LDLRAD3: variants seen among roughly 807,000 people sequenced by gnomAD.
LDLRAD3 encodes low density lipoprotein receptor class A domain containing 3.
A neutral mutation model predicts 29.4 loss-of-function variants in LDLRAD3; 20 were observed. The ratio of observed to expected loss-of-function variants is 0.68; its 90% CI spans 0.48 to 0.99. The LOEUF (loss-of-function observed/expected upper bound fraction) is 0.99. Among genes scored for constraint, LDLRAD3 ranks in the 50% least tolerant of loss-of-function variants. The probability of loss-of-function intolerance (pLI) is 0.00; values close to 1 mark genes in which losing one functional copy is unlikely to be tolerated. For synonymous variants in LDLRAD3, 157 were observed against 192.7 expected (o/e 0.81, Z 1.53); for missense variants, 420 against 454.3 (o/e 0.92, Z 0.69).
intron 4 of LDLRAD3, among the ~76,000 whole-genome samples, chr11:36,154,110 G>A (rs1379868411): frequency 1.3e-5 from 2 of 152,056 alleles, no homozygotes; most frequent in African/African-American, 4.8e-5. Context: ...GACTTCCTCG[G>A]CCTCTGTTCT....
chr11:35,958,862 C>T (rs1266389689), intron 1 of LDLRAD3, among the ~76,000 whole-genome samples: 2 of 152,106 alleles, frequency 1.3e-5, no homozygotes, highest in African/African-American at 4.8e-5. Flanking sequence ...AGGTGACAAC[C>T]ACCCCAGACC....
intron 2 of LDLRAD3, among the ~76,000 whole-genome samples, chr11:36,047,837 C>T (rs934252121): frequency 2.0e-5 from 3 of 152,140 alleles, no homozygotes; most frequent in Admixed American, 1.3e-4. Flanking sequence ...GCAGCTGGCA[C>T]AGAGGAAGCA....
chr11:36,003,992 A>G (rs910856637), intron 1 of LDLRAD3, among the ~76,000 whole-genome samples: 5 of 152,184 alleles, frequency 3.3e-5, no homozygotes, highest in African/African-American at 4.8e-5. Flanking sequence ...AATCTGCCCC[A>G]TGATCCAGTC....
intron 2 of LDLRAD3, among the ~76,000 whole-genome samples, chr11:36,068,603 G>A (rs1353902862): frequency 6.6e-6 from 1 of 152,160 alleles, no homozygotes; most frequent in Admixed American, 6.5e-5. Context: ...TGCAATCACC[G>A]CCTCTTGGGT....
chr11:36,121,148 T>C (rs1320586987), intron 4 of LDLRAD3, among the ~76,000 whole-genome samples: 2 of 152,082 alleles, frequency 1.3e-5, no homozygotes. Context: ...GAATATGCAA[T>C]TGGATGAAAT....
At chr11:36,108,110 A>C (rs1359864955) in intron 4 of LDLRAD3, among the ~76,000 whole-genome samples, 10 of 151,850 alleles carry the variant, frequency 6.6e-5, no homozygotes. Context: ...GGAGATCAAG[A>C]TCGAGACCAT....
chr11:35,977,851 A>C (rs946685808), intron 1 of LDLRAD3, among the ~76,000 whole-genome samples: 2 of 152,160 alleles, frequency 1.3e-5, no homozygotes, highest in Non-Finnish European at 2.9e-5. Flanking sequence ...TTCATGACCT[A>C]ACCACCTCCT....
At chr11:36,001,885 T>A (rs962537749) in intron 1 of LDLRAD3, among the ~76,000 whole-genome samples, 1 of 152,142 alleles carries the variant, frequency 6.6e-6, no homozygotes, top group Non-Finnish European at 1.5e-5. Context: ...TCACTCAGAC[T>A]TTTTTACCCC....
chr11:36,075,913 C>A lies in LDLRAD3; in HGVS notation c.194-5740C>A, dbSNP rs574312354. Among the ~76,000 whole-genome samples the A allele has an allele frequency of 1.9e-4, 29 of 152,280 alleles. No individual in the cohort carries two copies. In the South Asian group the frequency reaches 5.0e-3, roughly 26 times the overall value. On this transcript the variant is annotated intron_variant, in intron 2 of 5. Transcript: ENST00000315571. Reference sequence around the variant, plus strand: ...GGAACTTCAGGTTAACTTCTGTGTCCTTTTGACATGCCCCCATGATATTTG... The same window carrying A: ...GGAACTTCAGGTTAACTTCTGTGTCATTTTGACATGCCCCCATGATATTTG...
intron 1 of LDLRAD3, among the ~76,000 whole-genome samples, chr11:36,021,930 G>A (rs563210350): frequency 1.9e-4 from 29 of 152,176 alleles, no homozygotes; most frequent in Admixed American, 6.5e-4. Context: ...GATTACAGGC[G>A]TGAGCCACTG....
intron 1 of LDLRAD3, among the ~76,000 whole-genome samples, chr11:36,022,942 C>T (rs1398447145): frequency 6.6e-6 from 1 of 152,192 alleles, no homozygotes; most frequent in African/African-American, 2.4e-5. Context: ...GCAGTAAACA[C>T]TGCTTAACTC....
intron 1 of LDLRAD3, among the ~76,000 whole-genome samples, chr11:36,019,152 G>A (rs1252994201): frequency 6.6e-6 from 1 of 152,116 alleles, no homozygotes; most frequent in Non-Finnish European, 1.5e-5. Context: ...TATCATTTGT[G>A]CAGCACGGGG....
At chr11:36,061,587 A>G (rs1852701120) in intron 2 of LDLRAD3, among the ~76,000 whole-genome samples, 1 of 152,072 alleles carries the variant, frequency 6.6e-6, no homozygotes, top group South Asian at 2.1e-4. Flanking sequence ...CATTACAAAA[A>G]CCCACAATAA....
At chr11:36,150,745 ACT>A (rs1332519362) in intron 4 of LDLRAD3, among the ~76,000 whole-genome samples, 1 of 151,684 alleles carries the variant, frequency 6.6e-6, no homozygotes, top group Admixed American at 6.6e-5. Flanking sequence ...ACAGAGCAAG[ACT>A]CTGTTTCAAA....
chr11:36,077,329 G>A (rs375196624), intron 2 of LDLRAD3, among the ~76,000 whole-genome samples: 11 of 152,196 alleles, frequency 7.2e-5, no homozygotes, highest in African/African-American at 2.7e-4. Context: ...GGGCAGCAAA[G>A]TACTGTTACG....
intron 1 of LDLRAD3, among the ~76,000 whole-genome samples, chr11:36,033,650 C>T (rs1852268316): frequency 6.6e-6 from 1 of 152,228 alleles, no homozygotes; most frequent in Non-Finnish European, 1.5e-5. Flanking sequence ...GAGCAGTTCT[C>T]TAACAACAGA....
At chr11:36,175,951 G>A (rs1021715466) in intron 4 of LDLRAD3, among the ~76,000 whole-genome samples, 1 of 152,062 alleles carries the variant, frequency 6.6e-6, no homozygotes, top group African/African-American at 2.4e-5. Flanking sequence ...TCATTTCTTA[G>A]GTCTAGAGGT....
chr11:36,141,382 G>A (rs1454346671), intron 4 of LDLRAD3, among the ~76,000 whole-genome samples: 1 of 152,136 alleles, frequency 6.6e-6, no homozygotes, highest in Admixed American at 6.6e-5. Flanking sequence ...TAAAAGTAAA[G>A]AGAAAGCAGG....
chr11:36,041,455 A>G (rs910353909), intron 2 of LDLRAD3, among the ~76,000 whole-genome samples: 1 of 152,234 alleles, frequency 6.6e-6, no homozygotes, highest in African/African-American at 2.4e-5. Flanking sequence ...CTGAAATGGA[A>G]TCTTACTGCT....
Sources: gnomAD v4.1 joint callset for allele counts (sites outside exome capture counted in the v4.1 genomes callset) on GRCh38, gnomAD v4.1.1 for gene constraint, MANE v1.5 for transcripts, NCBI Gene and HGNC (gene_info 2026-07-23, HGNC 2026-07-21) for gene names.